RBL1: variants seen among roughly 807,000 people sequenced by gnomAD.
RBL1 encodes the protein retinoblastoma-like protein 1.
Under a neutral mutation model 123.0 loss-of-function variants are expected in RBL1, and 82 were observed. The ratio of observed to expected loss-of-function variants is 0.67; its 90% confidence interval spans 0.56 to 0.80. The LOEUF (loss-of-function observed/expected upper bound fraction) is 0.80. Ranked by LOEUF, RBL1 falls within the 30% of genes least tolerant of loss-of-function variation. The probability of loss-of-function intolerance (pLI) is 0.00; values close to 1 mark genes in which losing one functional copy is unlikely to be tolerated. For synonymous variants in RBL1, 405 were observed against 441.3 expected, an observed-to-expected ratio of 0.92 and a Z score of 1.03; for missense variants, 1,171 against 1,299.6, an observed-to-expected ratio of 0.90 and a Z score of 1.52.
rs73287997 is a variant in RBL1 at position 37,009,455 on chromosome 20, G to T, written c.2723-1896C>A. Among the ~76,000 whole-genome samples the T allele has an allele frequency of 4.4e-3, 675 of 152,184 alleles. 8 individuals carry two copies. Among genetic ancestry groups the T allele is most frequent in the African/African-American group, 0.014 (589 of 41,526 alleles). ...TTTTTTTGTTTTGTTTTTATGAAAG[G>T]TTCTTGATCCTCTTGCCTCAGTCTC... On this transcript the variant is annotated intron_variant, in intron 19 of 21. Coordinates refer to ENST00000373664, the MANE Select transcript of RBL1 (RefSeq NM_002895.5).
chr20:37,067,403 C>A, intron 3 of RBL1, 106 bp from the exon 4 acceptor site: 1 of 881,906 alleles, frequency 1.1e-6, no homozygotes, highest in South Asian at 1.8e-5. Flanking sequence ...ACATGAAATT[C>A]CATTCATGAA....
chr20:37,043,969 C>T, intron 13 of RBL1, 117 bp downstream of exon 13: 1 of 754,294 alleles, frequency 1.3e-6, no homozygotes, highest in Non-Finnish European at 2.0e-6. Context: ...ATACTAAAAC[C>T]ACTGAATTGT....
intron 11 of RBL1, chr20:37,049,454 T>G (rs2064869757): frequency 1.3e-6 from 1 of 753,604 alleles, no homozygotes; most frequent in Non-Finnish European, 2.4e-6. Flanking sequence ...CATCTTGTGT[T>G]GAGACTTCAT....
chr20:37,050,315 G>A (rs533347435), intron 11 of RBL1, among the ~76,000 whole-genome samples: 2 of 151,884 alleles, frequency 1.3e-5, no homozygotes, highest in Non-Finnish European at 1.5e-5. Flanking sequence ...AGGCCGAGAC[G>A]GGCAGATCAC....
chr20:36,999,749 C>A (rs2063935840), intron 21 of RBL1, among the ~76,000 whole-genome samples: 1 of 152,254 alleles, frequency 6.6e-6, no homozygotes, highest in Non-Finnish European at 1.5e-5. Flanking sequence ...CAGCCTCGGC[C>A]TCCCGAGGTG....
In RBL1 at chr20:37,035,287, G is replaced by C. The variant is rs1329229514; in HGVS notation, c.2125C>G (p.Pro709Ala). The change falls in exon 15 of 22, where the codon CCA (proline) becomes GCA (alanine). Residue 709 changes from proline (P) to alanine (A), a missense_variant. Pro to Ala is a conservative substitution (Grantham distance 27). Coordinates refer to ENST00000373664, the MANE Select transcript of RBL1 (RefSeq NM_002895.5). ...GQTLLTMATA[P>A]VTGTTGHKVT... ...TTATGTCCTGTTGTTCCTGTTACTG[G>C]GGCTGTGGCCATTGTTAGAAGAGTT... 1 of 1,613,840 alleles carries C rather than the reference G, an allele frequency of 6.2e-7. No individual in the cohort carries two copies. Among genetic ancestry groups the C allele is most frequent in the Non-Finnish European group, 8.5e-7 (1 of 1,179,782 alleles).
intron 19 of RBL1, among the ~76,000 whole-genome samples, chr20:37,016,963 G>A (rs528772024): frequency 4.6e-5 from 7 of 151,464 alleles, no homozygotes; most frequent in East Asian, 1.9e-4. Flanking sequence ...ATGGGAAGAA[G>A]AGAGGAAAGG....
chr20:37,012,615 C>A (rs571616971), intron 19 of RBL1, among the ~76,000 whole-genome samples: 1 of 144,476 alleles, frequency 6.9e-6, no homozygotes, highest in East Asian at 2.0e-4. Context: ...AAGTGAGGAG[C>A]CCCTCCGCCC....
Position 36,998,224 on chromosome 20 carries a change from A to G in RBL1, c.*535T>C, listed in dbSNP as rs6124524. The G allele has an allele frequency of 1.3e-5, 2 of 150,522 alleles. No individual in the cohort carries two copies. The highest frequency in any genetic ancestry group is 1.3e-4 in the Admixed American group (2 of 15,098). 9.3% of individuals were successfully genotyped at this position (150,522 alleles called of 1,614,324 possible). On this transcript the variant is annotated 3_prime_UTR_variant, in exon 22 of 22. Transcript: ENST00000373664. Reference sequence around the variant, plus strand: ...AAACATTAAAAAAAATTCCCTATTTATATATATATATATATTTTTTGAGAT... The same window carrying G: ...AAACATTAAAAAAAATTCCCTATTTGTATATATATATATATTTTTTGAGAT...
At chr20:37,056,302 A>C (rs1425045169) in intron 9 of RBL1, 44 bp from the exon 10 acceptor site, 1 of 1,527,784 alleles carries the variant, frequency 6.5e-7, no homozygotes, top group Non-Finnish European at 8.7e-7. Context: ...AAACAAAAAC[A>C]AACAAACAAA....
At chr20:37,060,705 C>G (rs886242925) in intron 9 of RBL1, among the ~76,000 whole-genome samples, 3 of 151,916 alleles carry the variant, frequency 2.0e-5, no homozygotes, top group Non-Finnish European at 4.4e-5. Flanking sequence ...GTTGCTTGAG[C>G]CCAGGAGGTG....
At chr20:37,083,503 C>T (rs1413980834) in intron 2 of RBL1, among the ~76,000 whole-genome samples, 1 of 127,044 alleles carries the variant, frequency 7.9e-6, no homozygotes, top group Middle Eastern at 6.5e-3. Flanking sequence ...AAGATAAAAA[C>T]AGGCTGGGCG....
intron 20 of RBL1, among the ~76,000 whole-genome samples, chr20:37,004,872 G>A (rs1174149338): frequency 1.3e-5 from 2 of 151,408 alleles, no homozygotes; most frequent in Non-Finnish European, 2.9e-5. Flanking sequence ...AGCCTCCTGA[G>A]TAGCTCCTAA....
intron 21 of RBL1, 63 bp from the exon 22 acceptor site, chr20:36,998,992 C>A: frequency 1.4e-6 from 2 of 1,480,562 alleles, no homozygotes; most frequent in South Asian, 1.2e-5. Context: ...AGCAAACAAC[C>A]AAGCTAATTG....
At chr20:36,999,424 G>C (rs955125715) in intron 21 of RBL1, among the ~76,000 whole-genome samples, 1 of 147,040 alleles carries the variant, frequency 6.8e-6, no homozygotes, top group African/African-American at 2.6e-5. Flanking sequence ...TAAGCTTCCC[G>C]TCTCCCTCCT....
At position 37,095,870 on chromosome 20, in the gene RBL1, G is replaced by A. The variant is rs751071700; in HGVS notation, c.59C>T (p.Ala20Val). 5 of 1,605,340 alleles carry A rather than the reference G, an allele frequency of 3.1e-6. No individual in the cohort carries two copies. In the Admixed American group the frequency reaches 6.7e-5, roughly 22 times the overall value. Reference sequence around the variant, plus strand: ...CAGCTCCTGGCACAGGGCCTGTAGCGCCTCCCCGGCTGCGGCGACCACCGC... The same window carrying A: ...CAGCTCCTGGCACAGGGCCTGTAGCACCTCCCCGGCTGCGGCGACCACCGC... ...GAAVVAAAGE[A>V]LQALCQELNL... Residue 20 changes from alanine to valine, a missense_variant, in exon 1 of 22, where the codon GCG (alanine) becomes GTG (valine). Physicochemically the swap from Ala to Val is moderately conservative, Grantham distance 64. Transcript: ENST00000373664.
At chr20:37,047,030 A>G (rs1157769243) in intron 12 of RBL1, 23 bp downstream of exon 12, 1 of 1,569,480 alleles carries the variant, frequency 6.4e-7, no homozygotes, top group Non-Finnish European at 8.6e-7. Context: ...TCATCTCATA[A>G]CAGAACTTTG....
chr20:37,041,544 A>G (rs1175398996), intron 13 of RBL1, among the ~76,000 whole-genome samples: 1 of 152,120 alleles, frequency 6.6e-6, no homozygotes, highest in Non-Finnish European at 1.5e-5. Flanking sequence ...CCTGGTCTCG[A>G]ACGCTTGACC....
intron 14 of RBL1, among the ~76,000 whole-genome samples, chr20:37,039,312 T>TAAATTTGGG (rs2064683268): frequency 6.6e-6 from 1 of 152,230 alleles, no homozygotes. Context: ...AGGAAGAATA[T>TAAATTTGGG]AAATTTGGGA....
Sources: allele counts gnomAD v4.1 joint callset (sites outside exome capture counted in the v4.1 genomes callset), GRCh38; gene constraint gnomAD v4.1.1; transcripts MANE v1.5; gene names NCBI Gene and HGNC (gene_info 2026-07-23, HGNC 2026-07-21).